CCDC30: variants seen among roughly 807,000 people sequenced by gnomAD.
CCDC30 encodes the protein coiled-coil domain containing 30, also known as coiled-coil domain-containing protein 30.
CCDC30 carries 70 observed loss-of-function variants against 100.2 expected under a neutral mutation model. That is an observed-to-expected ratio of 0.70 (90% CI 0.58 to 0.85). The LOEUF is 0.85. Ranked by LOEUF, CCDC30 falls within the 40% of genes least tolerant of loss-of-function variation. The probability of loss-of-function intolerance (pLI) is 0.00; values close to 1 mark genes in which losing one functional copy is unlikely to be tolerated. For synonymous variants in CCDC30, 233 were observed against 269.5 expected, an observed-to-expected ratio of 0.86 and a Z score of 1.33; for missense variants, 652 against 771.2, an observed-to-expected ratio of 0.85 and a Z score of 1.83.
Position 42,650,497 on chromosome 1 carries a change from A to ATGTGTG in CCDC30, c.1855-2841_1855-2836dup, listed in dbSNP as rs57051349. 7.2e-3 allele frequency among the ~76,000 whole-genome samples: 984 copies of ATGTGTG among 136,270 alleles called. 4 individuals carry two copies. Among genetic ancestry groups the ATGTGTG allele is most frequent in the African/African-American group, 8.3e-3 (295 of 35,554 alleles). 89.4% of individuals were successfully genotyped at this position (136,270 alleles called of 152,430 possible). A position where few individuals can be genotyped will look rare whatever the true frequency, so the allele number is the denominator to read the frequency against. On this transcript the variant is annotated intron_variant, in intron 15 of 16. Coordinates refer to ENST00000668663, the Ensembl canonical transcript of CCDC30. ...CAAGACCCTGTCTAAAAAAATATAT[A>ATGTGTG]TGTGTGTGTGTGTGTGTGTGTGTGT...
chr1:42,501,524 A>T (rs1644312093), intron 6 of CCDC30, among the ~76,000 whole-genome samples: 1 of 152,170 alleles, frequency 6.6e-6, no homozygotes, highest in African/African-American at 2.4e-5. Context: ...GGAGGAGAAG[A>T]GGTGCTCTGA....
chr1:42,537,637 A>G (rs1180572588), intron 6 of CCDC30: 1 of 265,154 alleles, frequency 3.8e-6, no homozygotes. Context: ...CCAGTCAATC[A>G]GTGCACATCC....
chr1:42,649,781 TA>T (rs1648179807), intron 15 of CCDC30, among the ~76,000 whole-genome samples: 1 of 151,988 alleles, frequency 6.6e-6, no homozygotes, highest in Non-Finnish European at 1.5e-5. Flanking sequence ...CCAAAATCAG[TA>T]GTGCTTCTAT....
At chr1:42,586,186 CT>C (rs1646065610) in intron 9 of CCDC30, among the ~76,000 whole-genome samples, 1 of 152,118 alleles carries the variant, frequency 6.6e-6, no homozygotes, top group East Asian at 1.9e-4. Flanking sequence ...TGGAGGACCA[CT>C]TTGAGGAAGT....
intron 6 of CCDC30, among the ~76,000 whole-genome samples, chr1:42,563,068 C>A (rs536596415): frequency 6.6e-6 from 1 of 152,214 alleles, no homozygotes; most frequent in South Asian, 2.1e-4. Context: ...GATCTAGAAC[C>A]AGAAATACAG....
chr1:42,490,443 T>C (rs1265281391), intron 4 of CCDC30, among the ~76,000 whole-genome samples: 1 of 150,588 alleles, frequency 6.6e-6, no homozygotes, highest in Non-Finnish European at 1.5e-5. Flanking sequence ...AATAATACAT[T>C]AAGAAATAAT....
In CCDC30 at chr1:42,614,303, A is replaced by G. The variant is rs1376091626; in HGVS notation, c.1277+3213A>G. On this transcript the variant is annotated intron_variant, in intron 11 of 16. Transcript: ENST00000668663. ...CACCGTGTTAGCCAGGATGGTCTCG[A>G]TCTCCTGACCTCGTGATCCACCCGC... 4.0e-5 allele frequency among the ~76,000 whole-genome samples: 6 copies of G among 151,468 alleles called. No homozygotes were observed. In the East Asian group the frequency reaches 1.2e-3, roughly 30 times the overall value.
chr1:42,656,094 T>C (rs974362095), downstream of CCDC30, among the ~76,000 whole-genome samples: 2 of 152,038 alleles, frequency 1.3e-5, no homozygotes, highest in East Asian at 1.9e-4. Context: ...TGGTCTCAAA[T>C]TTCTGGGCTC....
At chr1:42,482,676 A>C in exon 3 of CCDC30, 1 of 1,233,784 alleles carries the variant, frequency 8.1e-7, no homozygotes, top group Non-Finnish European at 1.0e-6. Context: ...CATAATGAAG[A>C]CCTGGAAAAA....
intron 6 of CCDC30, among the ~76,000 whole-genome samples, chr1:42,509,123 A>G (rs1438426601): frequency 6.6e-6 from 1 of 152,322 alleles, no homozygotes; most frequent in East Asian, 1.9e-4. Flanking sequence ...CCTTCATTGC[A>G]AAACTGTGAC....
At chr1:42,622,738 T>C (rs1051965935) in intron 11 of CCDC30, among the ~76,000 whole-genome samples, 3 of 152,094 alleles carry the variant, frequency 2.0e-5, no homozygotes, top group Non-Finnish European at 4.4e-5. Context: ...CCTCCCAAAG[T>C]GCTAGGATTA....
At chr1:42,591,976 G>A (rs750232347) in intron 10 of CCDC30, 1 of 152,184 alleles carries the variant, frequency 6.6e-6, no homozygotes, top group Admixed American at 6.5e-5. Context: ...ACTTGCATGG[G>A]GCCTATTGAC....
chr1:42,505,960 T>C (rs1176596506), intron 6 of CCDC30, among the ~76,000 whole-genome samples: 1 of 152,230 alleles, frequency 6.6e-6, no homozygotes, highest in Non-Finnish European at 1.5e-5. Flanking sequence ...GTTTCTCCAA[T>C]TGTATTCTGT....
At chr1:42,608,546 A>C (rs934569986) in intron 10 of CCDC30, among the ~76,000 whole-genome samples, 4 of 151,448 alleles carry the variant, frequency 2.6e-5, no homozygotes, top group African/African-American at 7.3e-5. Context: ...TAAAAATACA[A>C]AAAAAAATTA....
chr1:42,534,954 A>T (rs150594486), intron 6 of CCDC30: 98 of 152,246 alleles, frequency 6.4e-4, no homozygotes, highest in African/African-American at 2.2e-3. Flanking sequence ...AAACCAGTAC[A>T]AAAGATCAAG....
intron 11 of CCDC30, among the ~76,000 whole-genome samples, chr1:42,621,509 A>ATTTATTTATTTT (rs1394659168): frequency 4.0e-5 from 6 of 149,428 alleles, no homozygotes; most frequent in Non-Finnish European, 7.4e-5. Flanking sequence ...TTATTTATTT[A>ATTTATTTATTTT]TTTATTTATT....
At chr1:42,508,738 T>C (rs1644433301) in intron 6 of CCDC30, among the ~76,000 whole-genome samples, 1 of 152,094 alleles carries the variant, frequency 6.6e-6, no homozygotes, top group South Asian at 2.1e-4. Flanking sequence ...AGTCCCAGAC[T>C]ACCAGAAGTT....
intron 9 of CCDC30, among the ~76,000 whole-genome samples, chr1:42,588,585 A>C (rs899355551): frequency 6.6e-6 from 1 of 152,182 alleles, no homozygotes; most frequent in African/African-American, 2.4e-5. Flanking sequence ...GGGAATTTGA[A>C]TGAGTTTAAG....
chr1:42,498,701 G>A (rs1245025895), intron 5 of CCDC30, 117 bp from the exon 6 acceptor site: 2 of 447,448 alleles, frequency 4.5e-6, no homozygotes, highest in Non-Finnish European at 7.3e-6. Context: ...ATACCTATGT[G>A]TTGAAGATTT....
Sources: allele counts gnomAD v4.1 joint callset (sites outside exome capture counted in the v4.1 genomes callset), GRCh38; gene constraint gnomAD v4.1.1; transcripts MANE v1.5; gene names NCBI Gene and HGNC (gene_info 2026-07-23, HGNC 2026-07-21).